Variants in CSMD2 observed in about 807,000 individuals in gnomAD.
CSMD2 encodes CUB and Sushi multiple domains 2, also known as CUB and sushi domain-containing protein 2.
A neutral mutation model predicts 398.5 loss-of-function variants in CSMD2; 130 were observed. That is an observed-to-expected ratio of 0.33 (90% CI 0.28 to 0.38). The LOEUF is 0.38. Ranked by LOEUF, CSMD2 falls within the 10% of genes least tolerant of loss-of-function variation. CSMD2 has a pLI of 1.00. For synonymous variants in CSMD2, 1,828 were observed against 1,908.5 expected (o/e 0.96, Z 1.10); for missense variants, 3,829 against 4,764.9 (o/e 0.80, Z 5.78).
intron 3 of CSMD2, among the ~76,000 whole-genome samples, chr1:33,967,056 T>A (rs1409398182): frequency 6.6e-6 from 1 of 152,174 alleles, no homozygotes; most frequent in Non-Finnish European, 1.5e-5. Flanking sequence ...TTCATCACGA[T>A]TCTATTTAGT....
At chr1:33,948,643 T>C (rs939222534) in intron 3 of CSMD2, among the ~76,000 whole-genome samples, 7 of 152,246 alleles carry the variant, frequency 4.6e-5, no homozygotes, top group African/African-American at 1.7e-4. Context: ...TACCGATCCA[T>C]TTCCATATAG....
At chr1:33,847,591 A>G (rs761207025) in intron 5 of CSMD2, among the ~76,000 whole-genome samples, 3 of 152,060 alleles carry the variant, frequency 2.0e-5, no homozygotes, top group Non-Finnish European at 4.4e-5. Flanking sequence ...TATCTGGCAC[A>G]TGTTAGCTTA....
intron 13 of CSMD2, among the ~76,000 whole-genome samples, chr1:33,762,486 T>C (rs1649949564): frequency 6.6e-6 from 1 of 152,172 alleles, no homozygotes; most frequent in African/African-American, 2.4e-5. Flanking sequence ...GTTTTCCCAG[T>C]TCCTCTTCCA....
chr1:33,614,757 A>C, intron 39 of CSMD2, 137 bp from the exon 40 acceptor site: 1 of 592,850 alleles, frequency 1.7e-6, no homozygotes, highest in Non-Finnish European at 3.0e-6. Context: ...ATCCAAAGGA[A>C]TCTTCTTAAA....
rs557552226 is a variant in CSMD2 at position 33,864,789 on chromosome 1, G to A, written c.921-17793C>T. ...TGAAAAAACAAAATGCCATTCAACC[G>A]TATTTCCTGTTCCTGGTCTCATGTG... On this transcript the variant is annotated intron_variant, in intron 5 of 70. Transcript: ENST00000373381. The A allele has an allele frequency of 1.2e-5, 18 of 1,524,922 alleles. No homozygotes were observed. The East Asian group carries it at 2.3e-4, about 19-fold the overall frequency. The allele number at this position is 1,524,922 out of a possible 1,614,324, so 94.5% of individuals were successfully genotyped here. A position where few individuals can be genotyped will look rare whatever the true frequency, so the allele number is the denominator to read the frequency against.
chr1:33,991,847 G>A (rs1646563115), intron 3 of CSMD2, among the ~76,000 whole-genome samples: 1 of 150,582 alleles, frequency 6.6e-6, no homozygotes, highest in Admixed American at 6.6e-5. Context: ...GTGATACCAA[G>A]AATATATTAA....
At chr1:34,062,648 G>A (rs1654645610) in intron 2 of CSMD2, among the ~76,000 whole-genome samples, 1 of 152,210 alleles carries the variant, frequency 6.6e-6, no homozygotes, top group Non-Finnish European at 1.5e-5. Context: ...GGACAGGATG[G>A]CCAGGGGGAG....
At chr1:33,790,237 T>G (rs544837596) in intron 11 of CSMD2, among the ~76,000 whole-genome samples, 5 of 152,290 alleles carry the variant, frequency 3.3e-5, no homozygotes, top group Non-Finnish European at 7.4e-5. Context: ...GGCCACAGGG[T>G]ACCCAGCTAC....
intron 37 of CSMD2, among the ~76,000 whole-genome samples, chr1:33,618,810 T>A (rs1641568476): frequency 6.6e-6 from 1 of 151,790 alleles, no homozygotes; most frequent in Non-Finnish European, 1.5e-5. Context: ...CTGAAACATT[T>A]CCTTAGTAAG....
chr1:34,020,055 CAAAT>C (rs1209484673), intron 3 of CSMD2, among the ~76,000 whole-genome samples: 2 of 152,134 alleles, frequency 1.3e-5, no homozygotes, highest in East Asian at 1.9e-4. Context: ...GGACAATAAG[CAAAT>C]AAATAAACAG....
intron 1 of CSMD2, among the ~76,000 whole-genome samples, chr1:34,100,620 G>A (rs1659845662): frequency 6.6e-6 from 1 of 152,102 alleles, no homozygotes; most frequent in African/African-American, 2.4e-5. Flanking sequence ...ATTATAACGT[G>A]AGCATTCCCT....
intron 3 of CSMD2, among the ~76,000 whole-genome samples, chr1:34,013,474 C>A (rs1425774213): frequency 6.6e-6 from 1 of 152,214 alleles, no homozygotes; most frequent in Non-Finnish European, 1.5e-5. Flanking sequence ...ATGTGCTGAG[C>A]TCCTGCTGGG....
At chr1:33,727,790 C>T (rs951414954) in intron 15 of CSMD2, among the ~76,000 whole-genome samples, 7 of 152,018 alleles carry the variant, frequency 4.6e-5, no homozygotes, top group African/African-American at 1.2e-4. Flanking sequence ...ATTTTTAAGC[C>T]GCTGGGATTT....
chr1:34,125,800 G>A (rs1662683717), intron 1 of CSMD2, among the ~76,000 whole-genome samples: 1 of 152,108 alleles, frequency 6.6e-6, no homozygotes, highest in South Asian at 2.1e-4. Flanking sequence ...CAGCCCCACT[G>A]TCTTCTGGAA....
chr1:33,651,581 C>T (rs117050538), intron 28 of CSMD2, among the ~76,000 whole-genome samples: 89 of 152,078 alleles, frequency 5.9e-4, no homozygotes, highest in East Asian at 3.3e-3. Context: ...TGACAAAGCC[C>T]GGCAAAAGAA....
Position 33,663,586 on chromosome 1 carries a change from T to C in CSMD2, c.4053-494A>G, listed in dbSNP as rs143671317. Among the ~76,000 whole-genome samples, 81 of 152,280 alleles carry C rather than the reference T, an allele frequency of 5.3e-4. 1 individual carries two copies. Among genetic ancestry groups the C allele is most frequent in the African/African-American group, 1.5e-3 (64 of 41,568 alleles). On this transcript the variant is annotated intron_variant, in intron 25 of 70. Coordinates refer to ENST00000373381, the MANE Select transcript of CSMD2 (RefSeq NM_001281956.2). ...CATGGTGCAGGTAGGGGTGACCTCA[T>C]ACCTTGCTTTCCCAGAGCAGAATTC...
chr1:33,864,647 G>C (rs756744396), intron 5 of CSMD2: 2 of 1,613,938 alleles, frequency 1.2e-6, no homozygotes, highest in South Asian at 2.2e-5. Context: ...TGAGAGCTAA[G>C]TACTTCGAGG....
chr1:33,642,276 G>A (rs1643149763), intron 29 of CSMD2, among the ~76,000 whole-genome samples: 1 of 149,554 alleles, frequency 6.7e-6, no homozygotes, highest in African/African-American at 2.5e-5. Flanking sequence ...GAACCTGGGA[G>A]GTGGAGGTTG....
intron 13 of CSMD2, chr1:33,771,991 G>T (rs1651333810): frequency 6.6e-6 from 1 of 152,194 alleles, no homozygotes; most frequent in Non-Finnish European, 1.5e-5. Flanking sequence ...AAGGAAGAAG[G>T]GCTTCTTTGT....
Sources: allele counts gnomAD v4.1 joint callset (sites outside exome capture counted in the v4.1 genomes callset), GRCh38; gene constraint gnomAD v4.1.1; transcripts MANE v1.5; gene names NCBI Gene and HGNC (gene_info 2026-07-23, HGNC 2026-07-21).